The following DOCK7 variants were observed in gnomAD, a reference collection of about 807,000 sequenced individuals.
DOCK7 encodes the protein dedicator of cytokinesis 7.
DOCK7 carries 138 observed loss-of-function variants against 271.0 expected under a neutral mutation model. That is an observed-to-expected ratio of 0.51 (90% CI 0.44 to 0.59). The LOEUF (loss-of-function observed/expected upper bound fraction) is 0.59, where lower values mean the gene tolerates loss of function less well. DOCK7 is among the 20% of genes least tolerant of loss of function. The pLI is 0.00. For synonymous variants in DOCK7, 823 were observed against 876.1 expected (o/e 0.94, Z 1.07); for missense variants, 2,066 against 2,592.4 (o/e 0.80, Z 4.41).
chr1:62,457,668 CA>C lies in DOCK7; in HGVS notation c.6249del (p.Ile2083MetfsTer26). ...EDALRKNKSLIGPDQKEYQRE... is the reference protein window; with the variant it reads ...EDALRKNKSLXGPDQKEYQRE... ...CTTTGATACTCCTTTTGATCCGGCC[CA>C]ATTAAGCTCTTATTTTTTCTTAAGG... On this transcript the variant is annotated frameshift_variant, in exon 49 of 50. Transcript: ENST00000635253. LOFTEE classifies it high-confidence loss of function. 6.2e-7 allele frequency: 1 copy of C among 1,613,696 alleles called. No individual in the cohort carries two copies. The highest frequency in any genetic ancestry group is 8.5e-7 in the Non-Finnish European group (1 of 1,179,912).
At chr1:62,647,457 G>T (rs1656808389) in intron 7 of DOCK7, among the ~76,000 whole-genome samples, 1 of 152,114 alleles carries the variant, frequency 6.6e-6, no homozygotes, top group Non-Finnish European at 1.5e-5. Flanking sequence ...TTTAAAAGTT[G>T]ACTTTATGTT....
At chr1:62,616,961 G>C (rs967381259) in intron 14 of DOCK7, among the ~76,000 whole-genome samples, 1 of 151,544 alleles carries the variant, frequency 6.6e-6, no homozygotes, top group African/African-American at 2.4e-5. Context: ...CTATTAATTT[G>C]AGAGTAAAGG....
chr1:62,476,909 A>G (rs1380059697), intron 44 of DOCK7: 2 of 152,278 alleles, frequency 1.3e-5, no homozygotes, highest in Non-Finnish European at 2.9e-5. Flanking sequence ...CAGTTTGGCC[A>G]GAGAAGTCAC....
At chr1:62,576,984 C>T (rs1420311007) in intron 18 of DOCK7, among the ~76,000 whole-genome samples, 1 of 152,074 alleles carries the variant, frequency 6.6e-6, no homozygotes, top group Non-Finnish European at 1.5e-5. Flanking sequence ...TATGAAAATT[C>T]TCCAAAATGA....
intron 43 of DOCK7, chr1:62,485,383 C>G: frequency 2.0e-6 from 2 of 985,254 alleles, no homozygotes; most frequent in South Asian, 9.4e-5. Context: ...GCTTTGCCAA[C>G]TCAAATAATT....
At chr1:62,519,051 T>A (rs1269347547) in intron 31 of DOCK7, among the ~76,000 whole-genome samples, 1 of 146,190 alleles carries the variant, frequency 6.8e-6, no homozygotes, top group Non-Finnish European at 1.5e-5. Flanking sequence ...GAAAACCTAG[T>A]GTAATTATAA....
chr1:62,584,896 T>C lies in DOCK7; in HGVS notation c.1800+1611A>G, dbSNP rs1283555678. 3 of 709,756 alleles carry C rather than the reference T, an allele frequency of 4.2e-6. No individual in the cohort carries two copies. In the East Asian group the frequency reaches 8.1e-5, roughly 19 times the overall value. 44.0% of individuals were successfully genotyped at this position (709,756 alleles called of 1,614,324 possible). On this transcript the variant is annotated intron_variant, in intron 15 of 49. Coordinates refer to ENST00000635253, the MANE Select transcript of DOCK7 (RefSeq NM_001367561.1). ...CTGGGGCTCTGTAGAGGAGGCCACA[T>C]ATATGATAAGACAAGGAAGAGTTTG...
chr1:62,688,311 G>C lies in DOCK7; in HGVS notation c.-47C>G, dbSNP rs1165878780. 2 of 1,175,468 alleles carry C rather than the reference G, an allele frequency of 1.7e-6. No individual in the cohort carries two copies. The highest frequency in any genetic ancestry group is 2.1e-6 in the Non-Finnish European group (2 of 944,136). 72.8% of individuals were successfully genotyped at this position (1,175,468 alleles called of 1,614,324 possible). On this transcript the variant is annotated 5_prime_UTR_variant, in exon 1 of 50. Coordinates refer to ENST00000635253, the MANE Select transcript of DOCK7 (RefSeq NM_001367561.1). ...GGCGGCGGCGGCTGCGGCGGGCCGG[G>C]TGCGGACCGGCGGGCGCGTGCCTCC...
chr1:62,467,370 A>C (rs1645710489), intron 48 of DOCK7, among the ~76,000 whole-genome samples: 2 of 152,258 alleles, frequency 1.3e-5, no homozygotes, highest in African/African-American at 2.4e-5. Flanking sequence ...AATTAACAGA[A>C]GATGACTTGA....
intron 48 of DOCK7, among the ~76,000 whole-genome samples, chr1:62,464,024 CA>C (rs1370761345): frequency 6.6e-6 from 1 of 152,074 alleles, no homozygotes; most frequent in Non-Finnish European, 1.5e-5. Context: ...AAAAAGTAAA[CA>C]CATGGAAAAG....
At chr1:62,571,733 T>C (rs1233470161) in intron 18 of DOCK7, among the ~76,000 whole-genome samples, 1 of 152,132 alleles carries the variant, frequency 6.6e-6, no homozygotes, top group Non-Finnish European at 1.5e-5. Context: ...TAAAAAGGAA[T>C]GAGATCATGT....
intron 28 of DOCK7, 97 bp from the exon 29 acceptor site, chr1:62,535,729 T>G: frequency 2.4e-6 from 3 of 1,240,978 alleles, no homozygotes; most frequent in Non-Finnish European, 3.2e-6. Flanking sequence ...TTTCCCAGGG[T>G]AGTTTATTTT....
At chr1:62,649,544 G>A (rs1049120886) in intron 4 of DOCK7, among the ~76,000 whole-genome samples, 2 of 152,128 alleles carry the variant, frequency 1.3e-5, no homozygotes, top group African/African-American at 2.4e-5. Flanking sequence ...AGCTGCATAC[G>A]TAAGCTGCTC....
At chr1:62,521,045 C>T (rs1235142557) in intron 31 of DOCK7, among the ~76,000 whole-genome samples, 2 of 149,582 alleles carry the variant, frequency 1.3e-5, no homozygotes, top group African/African-American at 2.5e-5. Context: ...AGGTGGGAGT[C>T]GAACAATGAG....
At chr1:62,582,976 G>A (rs532387785) in intron 16 of DOCK7, among the ~76,000 whole-genome samples, 8 of 152,308 alleles carry the variant, frequency 5.3e-5, no homozygotes, top group East Asian at 1.9e-4. Context: ...CAGAGAATTC[G>A]ATAGAAAAGA....
In DOCK7 at chr1:62,614,314, G is replaced by A. The variant is rs149149364; in HGVS notation, c.1682+4392C>T. On this transcript the variant is annotated intron_variant, in intron 14 of 49. Coordinates refer to ENST00000635253, the MANE Select transcript of DOCK7 (RefSeq NM_001367561.1). ...TATTTCTACCTATGCTAGGTTTCTA[G>A]ATATGCTTAAGGTTTTTGTTTTTTT... is the stretch of plus-strand genomic sequence containing the variant. Among the ~76,000 whole-genome samples the A allele has an allele frequency of 4.3e-3, 652 of 152,040 alleles. 2 individuals carry two copies. Among genetic ancestry groups the A allele is most frequent in the Middle Eastern group, 0.017 (5 of 294 alleles).
chr1:62,641,786 A>G lies in DOCK7; in HGVS notation c.819-5183T>C, dbSNP rs990064095. The G allele has an allele frequency of 1.0e-4, 29 of 279,716 alleles. 1 individual carries two copies. In the Admixed American group the frequency reaches 1.2e-3, roughly 12 times the overall value. 17.3% of individuals were successfully genotyped at this position (279,716 alleles called of 1,614,324 possible). A position where few individuals can be genotyped will look rare whatever the true frequency, so the allele number is the denominator to read the frequency against. On this transcript the variant is annotated intron_variant, in intron 7 of 49. Transcript: ENST00000635253. The stretch of plus-strand genomic sequence containing the variant: ...TTCACATTTGCTTACAAACAATTAT[A>G]GTACAGTTTTTAACATTTTATCAAT...
chr1:62,607,745 G>T (rs922827120), intron 14 of DOCK7: 2 of 152,012 alleles, frequency 1.3e-5, no homozygotes, highest in Non-Finnish European at 2.9e-5. Flanking sequence ...TTAAATCTTA[G>T]AATTTTACTT....
At chr1:62,587,283 A>C (rs558667437) in intron 14 of DOCK7, among the ~76,000 whole-genome samples, 22 of 151,014 alleles carry the variant, frequency 1.5e-4, no homozygotes, top group African/African-American at 5.3e-4. Flanking sequence ...TAATTCAAGA[A>C]AAGACACCAA....
Sources: allele counts gnomAD v4.1 joint callset (sites outside exome capture counted in the v4.1 genomes callset), GRCh38; gene constraint gnomAD v4.1.1; transcripts MANE v1.5; gene names NCBI Gene and HGNC (gene_info 2026-07-23, HGNC 2026-07-21).